INO80D: variants seen among roughly 807,000 people sequenced by gnomAD.
INO80D encodes INO80 complex subunit D.
A neutral mutation model predicts 87.6 loss-of-function variants in INO80D; 21 were observed. That is an observed-to-expected ratio of 0.24 (90% CI 0.17 to 0.35). The LOEUF (loss-of-function observed/expected upper bound fraction) is 0.35, where lower values mean the gene tolerates loss of function less well. Among genes scored for constraint, INO80D ranks in the 10% least tolerant of loss-of-function variants. The pLI, the probability that INO80D is intolerant of heterozygous loss-of-function variation, is 1.00. For synonymous variants in INO80D, 440 were observed against 491.0 expected, an observed-to-expected ratio of 0.90 and a Z score of 1.37; for missense variants, 982 against 1,280.7, an observed-to-expected ratio of 0.77 and a Z score of 3.56.
intron 5 of INO80D, among the ~76,000 whole-genome samples, chr2:206,035,099 G>A (rs1450003994): frequency 1.3e-5 from 2 of 151,852 alleles, no homozygotes; most frequent in Non-Finnish European, 2.9e-5. Flanking sequence ...TGGATGACAC[G>A]AACAAATGGA....
intron 1 of INO80D, among the ~76,000 whole-genome samples, chr2:206,069,919 T>G (rs1689914145): frequency 6.6e-6 from 1 of 152,148 alleles, no homozygotes; most frequent in Admixed American, 6.6e-5. Flanking sequence ...CAGTCTCCTC[T>G]CCTTTCTTTC....
In INO80D at chr2:205,998,450, C is replaced by CAAAAAAAAAAAAAAAAAAA. The variant is rs143392413; in HGVS notation, c.*5899_*5917dup. 1.2e-5 allele frequency: 1 copy of CAAAAAAAAAAAAAAAAAAA among 82,482 alleles called. No individual in the cohort carries two copies. The allele number at this position is 82,482 out of a possible 1,614,324, so 5.1% of individuals were successfully genotyped here. A position where few individuals can be genotyped will look rare whatever the true frequency, so the allele number is the denominator to read the frequency against. On this transcript the variant is annotated 3_prime_UTR_variant, in exon 11 of 11. Transcript: ENST00000403263. Reference sequence around the variant, plus strand: ...AAGGTGCTTCACTAGTTTGTTTTGTCAAAAAAAAAAAAAAAAAAAAAAGCT... The same window carrying CAAAAAAAAAAAAAAAAAAA: ...AAGGTGCTTCACTAGTTTGTTTTGTCAAAAAAAAAAAAAAAAAAAAAAAAAAAAAAAAAAAAAAAAAGCT...
chr2:206,079,361 T>C (rs1210440025), intron 1 of INO80D, among the ~76,000 whole-genome samples: 1 of 152,156 alleles, frequency 6.6e-6, no homozygotes, highest in African/African-American at 2.4e-5. Context: ...TTGTGAGCCA[T>C]GGTACCAAGC....
Position 206,056,808 on chromosome 2 carries a change from C to T in INO80D, c.354G>A (p.Leu118=), listed in dbSNP as rs764303437. 3 of 1,612,344 alleles carry T rather than the reference C, an allele frequency of 1.9e-6. No individual in the cohort carries two copies. Among genetic ancestry groups the T allele is most frequent in the Admixed American group, 3.3e-5 (2 of 59,738 alleles). The stretch of plus-strand genomic sequence containing the variant: ...CCAGTCCGTTGGGCATCTTCAAGGC[C>T]AACGTGGGCACTGTCAGGCTAAAGG... The part of the protein sequence containing the change: ...TMAFSLTVPT[L]ALKMPNGLDG... The change falls in exon 4 of 11, where the codon TTG becomes TTA. Residue 118 remains leucine (L), a synonymous_variant. Transcript: ENST00000403263.
At chr2:206,053,021 T>G (rs975524724) in intron 4 of INO80D, among the ~76,000 whole-genome samples, 1 of 152,040 alleles carries the variant, frequency 6.6e-6, no homozygotes, top group Admixed American at 6.6e-5. Context: ...CCAGGGCTGA[T>G]AAAGATTTAG....
intron 1 of INO80D, among the ~76,000 whole-genome samples, chr2:206,074,208 CTGT>C (rs1463770037): frequency 6.6e-6 from 1 of 152,184 alleles, no homozygotes; most frequent in Non-Finnish European, 1.5e-5. Context: ...AGAATATACA[CTGT>C]TATTACCAAA....
At chr2:206,081,795 A>C (rs923224014) in intron 1 of INO80D, among the ~76,000 whole-genome samples, 3 of 151,450 alleles carry the variant, frequency 2.0e-5, no homozygotes, top group Non-Finnish European at 4.4e-5. Context: ...AAAGAAAGAA[A>C]AGTAAAGTGG....
At chr2:206,050,264 G>A (rs1007164484) in intron 4 of INO80D, among the ~76,000 whole-genome samples, 1 of 151,806 alleles carries the variant, frequency 6.6e-6, no homozygotes. Context: ...AAGCCGAGGC[G>A]GGCAGATCAC....
intron 8 of INO80D, 69 bp from the exon 9 acceptor site, chr2:206,009,863 T>C: frequency 7.9e-7 from 1 of 1,262,168 alleles, no homozygotes; most frequent in Non-Finnish European, 1.1e-6. Flanking sequence ...ACCTAAAAAA[T>C]ACTTACATCC....
intron 6 of INO80D, among the ~76,000 whole-genome samples, chr2:206,027,020 G>C (rs1008188035): frequency 2.0e-5 from 3 of 152,160 alleles, no homozygotes; most frequent in Admixed American, 2.0e-4. Flanking sequence ...ATGAGAAAGT[G>C]GTCATAATTC....
At chr2:206,080,769 T>G (rs1319343826) in intron 1 of INO80D, among the ~76,000 whole-genome samples, 1 of 151,012 alleles carries the variant, frequency 6.6e-6, no homozygotes, top group Non-Finnish European at 1.5e-5. Context: ...TAGCCGGGTG[T>G]GCGGGCGCCT....
chr2:206,080,740 T>C (rs543645508), intron 1 of INO80D, among the ~76,000 whole-genome samples: 1 of 151,680 alleles, frequency 6.6e-6, no homozygotes, highest in South Asian at 2.1e-4. Context: ...ACCCCGTCTC[T>C]ACTAAAAATA....
chr2:206,016,743 T>C (rs914134710), intron 8 of INO80D, among the ~76,000 whole-genome samples: 3 of 152,174 alleles, frequency 2.0e-5, no homozygotes, highest in East Asian at 3.9e-4. Context: ...TCCTGTTGTC[T>C]TTCCTGTTGT....
chr2:206,051,323 C>T (rs1170476509), intron 4 of INO80D, among the ~76,000 whole-genome samples: 1 of 151,548 alleles, frequency 6.6e-6, no homozygotes, highest in Non-Finnish European at 1.5e-5. Flanking sequence ...CTTAAGGGAT[C>T]CTTCCGCCTC....
At position 206,004,560 on chromosome 2, in the gene INO80D, G is replaced by A. The variant is rs1373871863; in HGVS notation, c.2892C>T (p.Ala964=). The A allele has an allele frequency of 2.5e-6, 4 of 1,610,908 alleles. No homozygotes were observed. In the African/African-American group the frequency reaches 4.0e-5, roughly 16 times the overall value. ...SGMGPSAELM[A]STSPKQQLPQ... ...GGAGTTGCTGCTTGGGAGAGGTGGA[G>A]GCCATTAGTTCAGCAGAAGGCCCCA... The change falls in exon 11 of 11, where the codon GCC becomes GCT. Residue 964 remains alanine (A), a synonymous_variant. Transcript: ENST00000403263. The surrounding 1 kb of genome is among the most constrained non-coding windows in gnomAD (Gnocchi z 4.9).
intron 9 of INO80D, among the ~76,000 whole-genome samples, chr2:206,008,691 A>G (rs1009112167): frequency 2.0e-5 from 3 of 152,192 alleles, no homozygotes; most frequent in African/African-American, 7.2e-5. Flanking sequence ...TACATGCCTC[A>G]CCATATGCAG....
intron 8 of INO80D, among the ~76,000 whole-genome samples, chr2:206,011,471 CCT>C (rs1297616777): frequency 2.0e-5 from 3 of 152,192 alleles, no homozygotes; most frequent in Admixed American, 6.5e-5. Context: ...GCCCCCACCC[CCT>C]GAGGCTTTCC....
intron 5 of INO80D, among the ~76,000 whole-genome samples, chr2:206,030,464 A>G (rs1688732235): frequency 6.7e-6 from 1 of 149,518 alleles, no homozygotes; most frequent in African/African-American, 2.4e-5. Flanking sequence ...CTTTGTCTCA[A>G]AAAAAAAAAA....
intron 8 of INO80D, among the ~76,000 whole-genome samples, chr2:206,012,028 G>T (rs1688188961): frequency 6.6e-6 from 1 of 152,336 alleles, no homozygotes; most frequent in African/African-American, 2.4e-5. Context: ...GGCCAAGTGT[G>T]GTGGCTCATG....
Sources: allele counts gnomAD v4.1 joint callset (sites outside exome capture counted in the v4.1 genomes callset), GRCh38; gene constraint gnomAD v4.1.1; non-coding constraint Gnocchi (gnomAD v3.1); transcripts MANE v1.5; gene names NCBI Gene and HGNC (gene_info 2026-07-23, HGNC 2026-07-21).